HDAC4: variants seen among roughly 807,000 people sequenced by gnomAD.
HDAC4 encodes the protein histone deacetylase 4.
In HDAC4, 16 loss-of-function variants were observed where a neutral mutation model predicts 135.1. That is an observed-to-expected ratio of 0.12 (90% CI 0.08 to 0.18). The LOEUF (loss-of-function observed/expected upper bound fraction) is 0.18, where lower values mean the gene tolerates loss of function less well. HDAC4 is among the 10% of genes least tolerant of loss of function. The pLI, the probability that HDAC4 is intolerant of heterozygous loss-of-function variation, is 1.00. For synonymous variants in HDAC4, 685 were observed against 653.4 expected (o/e 1.05, Z -0.74); for missense variants, 1,143 against 1,511.8 (o/e 0.76, Z 4.05).
Position 239,400,848 on chromosome 2 carries a change from G to C in HDAC4, c.-220+130C>G, listed in dbSNP as rs1388432436. 2.1e-5 allele frequency: 3 copies of C among 145,158 alleles called. No individual in the cohort carries two copies. Among genetic ancestry groups the C allele is most frequent in the Non-Finnish European group, 3.1e-5 (2 of 65,132 alleles). The allele number at this position is 145,158 out of a possible 1,614,324, so 9.0% of individuals were successfully genotyped here. ...CGCCGGGGGCCCAGGCTGGGAGGCT[G>C]TTCGGGCGGCGGCGGCGGCGGCGCG... is the stretch of plus-strand genomic sequence containing the variant. On this transcript the variant is annotated intron_variant, in intron 1 of 26. Transcript: ENST00000543185. The surrounding 1 kb of genome is among the most constrained non-coding windows in gnomAD (Gnocchi z 4.7).
chr2:239,216,652 C>G (rs745310732), intron 3 of HDAC4, among the ~76,000 whole-genome samples: 1 of 152,232 alleles, frequency 6.6e-6, no homozygotes, highest in Non-Finnish European at 1.5e-5. Context: ...GCCTCCTTCT[C>G]TGGGTGAAGC....
chr2:239,307,981 C>A lies in HDAC4; in HGVS notation c.22+44697G>T, dbSNP rs899221673. 6.6e-6 allele frequency among the ~76,000 whole-genome samples: 1 copy of A among 152,184 alleles called. No individual in the cohort carries two copies. Among genetic ancestry groups the A allele is most frequent in the African/African-American group, 2.4e-5 (1 of 41,444 alleles). On this transcript the variant is annotated intron_variant, in intron 2 of 26. Transcript: ENST00000543185. This position sits in a 1 kb window ranked among gnomAD's most constrained non-coding sequence, Gnocchi z 4.8. The stretch of plus-strand genomic sequence containing the variant: ...AGCCAGCAAAGTGTCCCCATCCCCC[C>A]CAAAGTGAGCGGCCACACAGCAATG...
chr2:239,091,904 CAAA>C (rs368201922), intron 17 of HDAC4: 16 of 133,068 alleles, frequency 1.2e-4, no homozygotes, highest in African/African-American at 1.6e-4. Context: ...ACTAAAAATA[CAAA>C]AAAAAAAAAA....
chr2:239,232,840 T>TC (rs1451611813), intron 3 of HDAC4, among the ~76,000 whole-genome samples: 9 of 17,300 alleles, frequency 5.2e-4, no homozygotes, highest in East Asian at 1.5e-3. Flanking sequence ...GGGTGGCCCT[T>TC]CCCTCACCAA....
intron 18 of HDAC4, chr2:239,089,733 T>TTC (rs2036321392): frequency 2.4e-6 from 1 of 408,798 alleles, no homozygotes; most frequent in Admixed American, 4.1e-5. Context: ...TGGAGCTTTT[T>TTC]TTTTTTTTTT....
intron 2 of HDAC4, among the ~76,000 whole-genome samples, chr2:239,244,507 T>C (rs1434645977): frequency 6.6e-6 from 1 of 152,186 alleles, no homozygotes; most frequent in Non-Finnish European, 1.5e-5. Flanking sequence ...GGGGCCATCA[T>C]GCCATCCCCT....
rs965741004 is a variant in HDAC4, at chr2:239,052,938, T to G, written c.*159A>C. Reference sequence around the variant, plus strand: ...ATGTGCGTCTCGAGACCTGTGGGCCTGGGCGGCAGAAAGGCTTCCCGTGGC... The same window carrying G: ...ATGTGCGTCTCGAGACCTGTGGGCCGGGGCGGCAGAAAGGCTTCCCGTGGC... On this transcript the variant is annotated 3_prime_UTR_variant, in exon 27 of 27. Transcript: ENST00000543185. 20 of 813,088 alleles carry G rather than the reference T, an allele frequency of 2.5e-5. No homozygotes were observed. Among genetic ancestry groups the G allele is most frequent in the Non-Finnish European group, 4.0e-5 (19 of 471,462 alleles). 50.4% of individuals were successfully genotyped at this position (813,088 alleles called of 1,614,324 possible). A position where few individuals can be genotyped will look rare whatever the true frequency, so the allele number is the denominator to read the frequency against.
chr2:239,139,644 A>T lies in HDAC4; in HGVS notation c.978+40T>A. On this transcript the variant is annotated intron_variant, in intron 9 of 26. Coordinates refer to ENST00000543185, the MANE Select transcript of HDAC4 (RefSeq NM_001378414.1). The surrounding 1 kb of genome is among the most constrained non-coding windows in gnomAD (Gnocchi z 5.3). ...TTCAAGCTCATCCGTCCCGAGTCCGACTCTAGCCGTAGGACACAGGACAAA... is the reference window on the plus strand; with the variant it reads ...TTCAAGCTCATCCGTCCCGAGTCCGTCTCTAGCCGTAGGACACAGGACAAA... The T allele has an allele frequency of 6.4e-7, 1 of 1,562,520 alleles. No individual in the cohort carries two copies. Among genetic ancestry groups the T allele is most frequent in the South Asian group, 1.1e-5 (1 of 90,140 alleles).
chr2:239,127,803 G>A (rs2040298819), intron 11 of HDAC4, among the ~76,000 whole-genome samples: 1 of 152,192 alleles, frequency 6.6e-6, no homozygotes, highest in African/African-American at 2.4e-5. Flanking sequence ...TACCAAGGTG[G>A]CCCTGCCGGC....
chr2:239,189,947 G>A lies in HDAC4; in HGVS notation c.225C>T (p.Leu75=). Residue 75 remains leucine (L), a synonymous_variant, in exon 4 of 27, where the codon CTC becomes CTT. Transcript: ENST00000543185. ...TCTGCTGCTTCTGCTTGAGCGCCAG[G>A]AGCTCCTGCTGCAGCTGCTGCTCCC... The part of the protein sequence containing the change: ...ALREQQLQQE[L]LALKQKQQIQ... 6.2e-7 allele frequency: 1 copy of A among 1,609,890 alleles called. No homozygotes were observed. Among genetic ancestry groups the A allele is most frequent in the Non-Finnish European group, 8.5e-7 (1 of 1,179,898 alleles).
intron 6 of HDAC4, chr2:239,161,952 G>A (rs949199571): frequency 2.4e-5 from 9 of 378,038 alleles, no homozygotes; most frequent in East Asian, 2.2e-4. Context: ...CTGCTGCTCC[G>A]TCCTCCCCTC....
intron 16 of HDAC4, among the ~76,000 whole-genome samples, chr2:239,096,225 C>G (rs2037016670): frequency 6.6e-6 from 1 of 152,104 alleles, no homozygotes; most frequent in African/African-American, 2.4e-5. Flanking sequence ...AACAGCGTGC[C>G]TGGCTGGGAA....
At chr2:239,122,122 G>A (rs764167502) in intron 12 of HDAC4, among the ~76,000 whole-genome samples, 5 of 152,108 alleles carry the variant, frequency 3.3e-5, no homozygotes, top group South Asian at 2.1e-4. Context: ...TAAAACAATC[G>A]GACACACTCG....
At chr2:239,321,044 G>A (rs756707063) in intron 2 of HDAC4, among the ~76,000 whole-genome samples, 7 of 152,062 alleles carry the variant, frequency 4.6e-5, no homozygotes, top group Non-Finnish European at 1.0e-4. Flanking sequence ...ATAATGTACT[G>A]TTATTTTCTT....
At chr2:239,074,519 A>T (rs1187540868) in intron 22 of HDAC4, among the ~76,000 whole-genome samples, 1 of 152,256 alleles carries the variant, frequency 6.6e-6, no homozygotes, top group African/African-American at 2.4e-5. Context: ...AATGGGAAAG[A>T]TGAGCCCAGG....
intron 3 of HDAC4, among the ~76,000 whole-genome samples, chr2:239,230,184 C>G: frequency 6.6e-6 from 1 of 151,996 alleles, no homozygotes; most frequent in African/African-American, 2.4e-5. Flanking sequence ...TCCAACCCCC[C>G]ATTCCCATCA....
intron 2 of HDAC4, among the ~76,000 whole-genome samples, chr2:239,335,071 AAG>A (rs1691840711): frequency 6.6e-6 from 1 of 152,118 alleles, no homozygotes; most frequent in Admixed American, 6.5e-5. Context: ...AAGGGCTAAA[AAG>A]AACCAAAACA....
chr2:239,318,964 C>A (rs1299225807), intron 2 of HDAC4, among the ~76,000 whole-genome samples: 1 of 152,136 alleles, frequency 6.6e-6, no homozygotes, highest in African/African-American at 2.4e-5. Context: ...AACGGAACAG[C>A]CCCAGTGGAA....
Position 239,272,184 on chromosome 2 carries a change from T to A in HDAC4, c.23-35520A>T, listed in dbSNP as rs78389786. On this transcript the variant is annotated intron_variant, in intron 2 of 26. Transcript: ENST00000543185. ...AACAGCCCAGAGAAGCCTTTTAGCA[T>A]TTACATTCAACAGAAGCCAAAAGCC... is the stretch of plus-strand genomic sequence containing the variant. Among the ~76,000 whole-genome samples the A allele has an allele frequency of 8.2e-3, 1,256 of 152,292 alleles. 16 individuals are homozygous for A. Among genetic ancestry groups the A allele is most frequent in the African/African-American group, 0.029 (1,187 of 41,548 alleles).
Sources: allele counts gnomAD v4.1 joint callset (sites outside exome capture counted in the v4.1 genomes callset), GRCh38; gene constraint gnomAD v4.1.1; non-coding constraint Gnocchi (gnomAD v3.1); transcripts MANE v1.5; gene names NCBI Gene and HGNC (gene_info 2026-07-23, HGNC 2026-07-21).